Variants in GSDME observed in about 807,000 individuals in gnomAD.
The protein encoded by GSDME is gasdermin-E.
GSDME carries 44 observed loss-of-function variants against 47.5 expected under a neutral mutation model. That is an observed-to-expected ratio of 0.93 (90% CI 0.73 to 1.19). The LOEUF (loss-of-function observed/expected upper bound fraction) is 1.19. Ranked by LOEUF, GSDME falls within the 50% of genes most tolerant of loss-of-function variation. The probability of loss-of-function intolerance (pLI) is 0.00; values close to 1 mark genes in which losing one functional copy is unlikely to be tolerated. For synonymous variants in GSDME, 258 were observed against 252.8 expected, an observed-to-expected ratio of 1.02 and a Z score of -0.20; for missense variants, 663 against 604.2, an observed-to-expected ratio of 1.10 and a Z score of -1.02.
chr7:24,705,929 C>G lies in GSDME; in HGVS notation c.1183+255G>C, dbSNP rs2128047502. On this transcript the variant is annotated intron_variant, in intron 8 of 9. Transcript: ENST00000645220. The surrounding 1 kb of genome is among the most constrained non-coding windows in gnomAD (Gnocchi z 4.1). The stretch of plus-strand genomic sequence containing the variant: ...TAGGCAAAGGGGCACCCACTGTGGC[C>G]TTCCCTGGGGGAGGAGGGAGAAGGG... 1.8e-6 allele frequency: 1 copy of G among 555,836 alleles called. No homozygotes were observed. Among genetic ancestry groups the G allele is most frequent in the Non-Finnish European group, 3.2e-6 (1 of 308,438 alleles). 34.4% of individuals were successfully genotyped at this position (555,836 alleles called of 1,614,324 possible).
At chr7:24,699,381 C>T (rs1314654306) in intron 9 of GSDME, 122 bp from the exon 10 acceptor site, 8 of 734,766 alleles carry the variant, frequency 1.1e-5, no homozygotes, top group African/African-American at 3.5e-5. Flanking sequence ...CTTGCTCTGT[C>T]GTCCAGGCTG....
chr7:24,748,747 A>C (rs1295320021), intron 2 of GSDME, among the ~76,000 whole-genome samples: 1 of 151,954 alleles, frequency 6.6e-6, no homozygotes, highest in South Asian at 2.1e-4. Context: ...TGTCAGTGAA[A>C]GCTCAAACCA....
upstream of GSDME, among the ~76,000 whole-genome samples, chr7:24,761,814 T>C (rs1215699947): frequency 6.6e-6 from 1 of 152,226 alleles, no homozygotes; most frequent in African/African-American, 2.4e-5. This position sits in a 1 kb window ranked among gnomAD's most constrained non-coding sequence, Gnocchi z 4.4. Context: ...AGAAGTCTTA[T>C]GACATAATCT....
At chr7:24,706,404 T>TGACACAGCTGGAGACCAAGC in intron 7 of GSDME, 28 bp from the exon 8 acceptor site, 5 of 1,604,750 alleles carry the variant, frequency 3.1e-6, no homozygotes, top group Non-Finnish European at 4.3e-6. Flanking sequence ...AGAAGGGTCA[T>TGACACAGCTGGAGACCAAGC]GACACAGCTG....
At chr7:24,760,463 T>G (rs1007162001), upstream of GSDME, among the ~76,000 whole-genome samples, 2 of 152,208 alleles carry the variant, frequency 1.3e-5, no homozygotes, top group Non-Finnish European at 2.9e-5. The surrounding 1 kb of genome is among the most constrained non-coding windows in gnomAD (Gnocchi z 4.2). Flanking sequence ...CTGAGTGACT[T>G]TAGGCAAATT....
intron 3 of GSDME, among the ~76,000 whole-genome samples, chr7:24,720,588 A>G (rs1789740242): frequency 6.6e-6 from 1 of 152,266 alleles, no homozygotes; most frequent in Admixed American, 6.5e-5. Flanking sequence ...AATGTGTTAT[A>G]GTCATATAAT....
intron 2 of GSDME, among the ~76,000 whole-genome samples, chr7:24,748,942 A>C (rs1297588664): frequency 6.6e-6 from 1 of 152,174 alleles, no homozygotes; most frequent in Non-Finnish European, 1.5e-5. Context: ...CTTGATGGGT[A>C]TGTGGCATCA....
chr7:24,739,924 C>T lies in GSDME; in HGVS notation c.404+4638G>A, dbSNP rs369428571. 3.3e-4 allele frequency among the ~76,000 whole-genome samples: 50 copies of T among 152,204 alleles called. 1 individual carries two copies. Among genetic ancestry groups the T allele is most frequent in the African/African-American group, 1.2e-3 (49 of 41,538 alleles). ...CCTGGCCAATATGGTGAAACCCCAT[C>T]TCTACTAAAAATACAAAAATTAGCC... On this transcript the variant is annotated intron_variant, in intron 3 of 9. Transcript: ENST00000645220. This position sits in a 1 kb window ranked among gnomAD's most constrained non-coding sequence, Gnocchi z 5.1.
At chr7:24,707,671 A>G (rs1789168560) in intron 7 of GSDME, 2 of 331,646 alleles carry the variant, frequency 6.0e-6, no homozygotes, top group African/African-American at 3.0e-5. Flanking sequence ...TATAACAGAC[A>G]GTAAAGGAGA....
At chr7:24,749,230 G>A (rs1475716262) in intron 2 of GSDME, among the ~76,000 whole-genome samples, 1 of 152,140 alleles carries the variant, frequency 6.6e-6, no homozygotes, top group Admixed American at 6.5e-5. Flanking sequence ...GACCAGGCAT[G>A]GTGGCTGATG....
intron 3 of GSDME, among the ~76,000 whole-genome samples, chr7:24,729,359 A>C (rs939107508): frequency 6.6e-6 from 1 of 152,250 alleles, no homozygotes; most frequent in Admixed American, 6.5e-5. Flanking sequence ...TTGTAGAATA[A>C]AGATAAACCA....
chr7:24,718,679 T>C (rs192929171), intron 4 of GSDME, among the ~76,000 whole-genome samples: 1 of 152,264 alleles, frequency 6.6e-6, no homozygotes, highest in East Asian at 1.9e-4. Context: ...GGAATGAACA[T>C]ATCCCGGGAC....
the GSDME span, among the ~76,000 whole-genome samples, chr7:24,777,629 G>A: frequency 1.4e-5 from 2 of 146,520 alleles, no homozygotes; most frequent in Non-Finnish European, 3.0e-5. Context: ...CATTAGCTTA[G>A]CTCAAGTGTT....
At chr7:24,778,171 C>T in the GSDME span, among the ~76,000 whole-genome samples, 3 of 151,486 alleles carry the variant, frequency 2.0e-5, no homozygotes, top group South Asian at 6.3e-4. This position sits in a 1 kb window ranked among gnomAD's most constrained non-coding sequence, Gnocchi z 5.6. Context: ...TCAAAATGTC[C>T]CTTCTTACTC....
intron 1 of GSDME, 73 bp from the exon 2 acceptor site, chr7:24,749,866 T>A: frequency 2.2e-6 from 2 of 922,234 alleles, no homozygotes; most frequent in Non-Finnish European, 3.5e-6. Flanking sequence ...AAAATTACTG[T>A]ATTTCTCCCT....
At chr7:24,746,105 C>CCACT (rs1287900026) in intron 2 of GSDME, among the ~76,000 whole-genome samples, 1 of 152,176 alleles carries the variant, frequency 6.6e-6, no homozygotes, top group Non-Finnish European at 1.5e-5. Flanking sequence ...TCAAGAAAAC[C>CCACT]CACTCCTCAA....
At chr7:24,767,516 C>T in the GSDME span, among the ~76,000 whole-genome samples, 367 of 151,984 alleles carry the variant, frequency 2.4e-3, 7 homozygotes, top group East Asian at 0.016. The surrounding 1 kb of genome is among the most constrained non-coding windows in gnomAD (Gnocchi z 5.3). Context: ...AGAATTTTTA[C>T]ATTATTTTTA....
In GSDME at chr7:24,721,073, G is replaced by A. The variant is rs1205332038; in HGVS notation, c.405-1855C>T. Among the ~76,000 whole-genome samples the A allele has an allele frequency of 1.3e-5, 2 of 152,040 alleles. No homozygotes were observed. Among genetic ancestry groups the A allele is most frequent in the Non-Finnish European group, 2.9e-5 (2 of 68,040 alleles). ...ATTCATAATGACAGAAAGCAGATTG[G>A]AGGTTACCGGGGCTGCAGGGCTTCG... On this transcript the variant is annotated intron_variant, in intron 3 of 9. Transcript: ENST00000645220. This position sits in a 1 kb window ranked among gnomAD's most constrained non-coding sequence, Gnocchi z 4.1.
At chr7:24,710,827 A>G (rs1789322952) in intron 5 of GSDME, among the ~76,000 whole-genome samples, 1 of 152,232 alleles carries the variant, frequency 6.6e-6, no homozygotes, top group Admixed American at 6.5e-5. Context: ...TTTTTAAGAA[A>G]TCAATGTTTC....
Sources: allele counts gnomAD v4.1 joint callset (sites outside exome capture counted in the v4.1 genomes callset), GRCh38; gene constraint gnomAD v4.1.1; non-coding constraint Gnocchi (gnomAD v3.1); transcripts MANE v1.5; gene names NCBI Gene and HGNC (gene_info 2026-07-23, HGNC 2026-07-21).